PLEKHG6: variants seen among roughly 807,000 people sequenced by gnomAD.
PLEKHG6 encodes pleckstrin homology domain-containing family G member 6.
A neutral mutation model predicts 97.5 loss-of-function variants in PLEKHG6; 91 were observed. The observed-to-expected ratio is 0.93, with a 90% CI of 0.79 to 1.11. The LOEUF (loss-of-function observed/expected upper bound fraction) is 1.11. Ranked by LOEUF, PLEKHG6 falls within the 50% of genes most tolerant of loss-of-function variation. The pLI, the probability that PLEKHG6 is intolerant of heterozygous loss-of-function variation, is 0.00. For synonymous variants in PLEKHG6, 466 were observed against 425.5 expected, an observed-to-expected ratio of 1.10 and a Z score of -1.17; for missense variants, 1,044 against 1,031.0, an observed-to-expected ratio of 1.01 and a Z score of -0.17.
intron 2 of PLEKHG6, chr12:6,312,774 C>G: frequency 8.4e-7 from 1 of 1,186,534 alleles, no homozygotes; most frequent in South Asian, 2.5e-5. Context: ...GGTGTCCCTA[C>G]TCCTCCAGTG....
Position 6,316,182 on chromosome 12 carries a change from C to T in PLEKHG6, c.607-73C>T. 4 of 1,428,124 alleles carry T rather than the reference C, an allele frequency of 2.8e-6. No homozygotes were observed. The highest frequency in any genetic ancestry group is 3.8e-6 in the Non-Finnish European group (4 of 1,065,286). 88.5% of individuals were successfully genotyped at this position (1,428,124 alleles called of 1,614,324 possible). On this transcript the variant is annotated intron_variant, in intron 6 of 15. Coordinates refer to ENST00000684764, the MANE Select transcript of PLEKHG6 (RefSeq NM_001384598.1). This position sits in a 1 kb window ranked among gnomAD's most constrained non-coding sequence, Gnocchi z 4.1. ...CCCTGCTGTCCAAGCTTAAGGTCCTCACCTTTCCTCAGCCAGTGCCACCCC... is the reference window on the plus strand; with the variant it reads ...CCCTGCTGTCCAAGCTTAAGGTCCTTACCTTTCCTCAGCCAGTGCCACCCC...
chr12:6,317,392 T>C lies in PLEKHG6; in HGVS notation c.846T>C (p.Pro282=). 6.2e-7 allele frequency: 1 copy of C among 1,613,704 alleles called. No homozygotes were observed. Among genetic ancestry groups the C allele is most frequent in the Non-Finnish European group, 8.5e-7 (1 of 1,179,772 alleles). Residue 282 remains proline, a synonymous_variant, in exon 8 of 16, where the codon CCT becomes CCC. Coordinates refer to ENST00000684764, the MANE Select transcript of PLEKHG6 (RefSeq NM_001384598.1). ...CCCGAGAACAGCAAGAAACTAACCCTCTCTTCCATGCCTTCGTGCAGGTGG... is the reference window on the plus strand; with the variant it reads ...CCCGAGAACAGCAAGAAACTAACCCCCTCTTCCATGCCTTCGTGCAGGTGG... ...AYAREQQETN[P]LFHAFVQWCE... is the part of the protein sequence containing the mutation.
chr12:6,315,272 A>C lies in PLEKHG6; in HGVS notation c.459+103A>C. 8.5e-7 allele frequency: 1 copy of C among 1,181,850 alleles called. No homozygotes were observed. The highest frequency in any genetic ancestry group is 1.2e-6 in the Non-Finnish European group (1 of 853,324). The allele number at this position is 1,181,850 out of a possible 1,614,324, so 73.2% of individuals were successfully genotyped here. On this transcript the variant is annotated intron_variant, in intron 4 of 15. Transcript: ENST00000684764. This position sits in a 1 kb window ranked among gnomAD's most constrained non-coding sequence, Gnocchi z 4.5. Reference sequence around the variant, plus strand: ...GGCCTTGGGAAGTGGGGTCATGTGGAAAAAACATCTGGAAACGCGTTGATC... The same window carrying C: ...GGCCTTGGGAAGTGGGGTCATGTGGCAAAAACATCTGGAAACGCGTTGATC...
Position 6,318,436 on chromosome 12 carries a change from A to G in PLEKHG6, c.1275+16A>G. 1 of 1,598,070 alleles carries G rather than the reference A, an allele frequency of 6.3e-7. No individual in the cohort carries two copies. The highest frequency in any genetic ancestry group is 2.2e-5 in the East Asian group (1 of 44,834). ...AGAAGGGAAGGTGAGGGTGCTGCGGACAGAGTGGAGGGGATGGGGCACGGT... is the reference window on the plus strand; with the variant it reads ...AGAAGGGAAGGTGAGGGTGCTGCGGGCAGAGTGGAGGGGATGGGGCACGGT... On this transcript the variant is annotated intron_variant, in intron 11 of 15. Transcript: ENST00000684764.
rs140704034 is a variant in PLEKHG6, at chr12:6,319,105, C to A, written c.1521C>A (p.Ala507=). 3.3e-4 allele frequency: 523 copies of A among 1,602,194 alleles called. 2 individuals are homozygous for A. In the African/African-American group the frequency reaches 5.9e-3, roughly 18 times the overall value. ...RAQWLEKTQQ[A]QAALQKLKAE... ...AGTGGCTGGAGAAGACCCAGCAGGC[C>A]CAGGTATGGGAAAGCCAGCAACGGG... The change falls in exon 13 of 16, where the codon GCC becomes GCA. Residue 507 remains alanine (A), a synonymous_variant. Coordinates refer to ENST00000684764, the MANE Select transcript of PLEKHG6 (RefSeq NM_001384598.1).
intron 13 of PLEKHG6, among the ~76,000 whole-genome samples, chr12:6,321,021 CT>C (rs397938337): frequency 4.0e-4 from 59 of 147,192 alleles, no homozygotes; most frequent in Middle Eastern, 3.5e-3. Flanking sequence ...ACCGTGAATT[CT>C]TTTTTTTTTT....
At position 6,327,779 on chromosome 12, in the gene PLEKHG6, A is replaced by G; in HGVS notation, c.2196A>G (p.Pro732=). The G allele has an allele frequency of 1.3e-6, 2 of 1,529,896 alleles. No individual in the cohort carries two copies. The highest frequency in any genetic ancestry group is 8.8e-7 in the Non-Finnish European group (1 of 1,141,628). The allele number at this position is 1,529,896 out of a possible 1,614,324, so 94.8% of individuals were successfully genotyped here. Residue 732 remains proline (P), a synonymous_variant, in exon 15 of 16, where the codon CCA becomes CCG. Coordinates refer to ENST00000684764, the MANE Select transcript of PLEKHG6 (RefSeq NM_001384598.1). ...FLKAGHTSLR[P]MRAEDMLREI... is the part of the protein sequence containing the mutation. The stretch of plus-strand genomic sequence containing the variant: ...AAGCTGGCCACACATCCCTGCGCCC[A>G]ATGCGGGCTGAGGACATGCTCAGAG...
At chr12:6,318,520 A>T in intron 11 of PLEKHG6, 100 bp downstream of exon 11, 1 of 1,419,428 alleles carries the variant, frequency 7.0e-7, no homozygotes. Context: ...GGGGAAGAGG[A>T]TGTGGTTCTG....
chr12:6,325,254 G>A (rs991011072), intron 13 of PLEKHG6, among the ~76,000 whole-genome samples: 2 of 151,552 alleles, frequency 1.3e-5, no homozygotes, highest in Admixed American at 1.3e-4. Context: ...AAGTGTTGCA[G>A]TGACTGAACT....
At chr12:6,314,132 TCTC>T (rs1403260568) in intron 3 of PLEKHG6, among the ~76,000 whole-genome samples, 1 of 152,110 alleles carries the variant, frequency 6.6e-6, no homozygotes, top group Admixed American at 6.6e-5. Context: ...GAGCCTCACC[TCTC>T]CTCCCAAGCC....
In PLEKHG6 at chr12:6,312,371, C is replaced by A; in HGVS notation, c.138+7C>A. The A allele has an allele frequency of 1.3e-6, 2 of 1,574,014 alleles. No homozygotes were observed. The highest frequency in any genetic ancestry group is 2.4e-5 in the East Asian group (1 of 41,520). ...CCGAGGATACCCTGTGCTGGTGAGT[C>A]CAGGCTGTGCCCCAAAAGTGACCTG... On this transcript the variant is annotated splice_region_variant and intron_variant, in intron 2 of 15. Coordinates refer to ENST00000684764, the MANE Select transcript of PLEKHG6 (RefSeq NM_001384598.1).
rs35564399 is a variant in PLEKHG6, at chr12:6,315,022, T to C, written c.312T>C (p.His104=). 6,967 of 1,613,640 alleles carry C rather than the reference T, an allele frequency of 4.3e-3. 202 individuals carry two copies. The African/African-American group carries it at 0.075, about 17-fold the overall frequency. Residue 104 remains histidine, a synonymous_variant, in exon 4 of 16, where the codon CAT becomes CAC. Transcript: ENST00000684764. This position sits in a 1 kb window ranked among gnomAD's most constrained non-coding sequence, Gnocchi z 4.5. ...TCCCCCAGGAACTCACCAAGGCCCATGAGCTGGAGGTGAGGCTGCACACTT... is the reference window on the plus strand; with the variant it reads ...TCCCCCAGGAACTCACCAAGGCCCACGAGCTGGAGGTGAGGCTGCACACTT... ...SPKLKELTKA[H]ELEVRLHTFS... is the part of the protein sequence containing the mutation.
At chr12:6,322,076 G>A (rs994200127) in intron 13 of PLEKHG6, among the ~76,000 whole-genome samples, 3 of 152,176 alleles carry the variant, frequency 2.0e-5, no homozygotes, top group Non-Finnish European at 2.9e-5. Context: ...ACAGCCTGGG[G>A]CCAGCACTGG....
In PLEKHG6 at chr12:6,315,899, C is replaced by A. The variant is rs149736901; in HGVS notation, c.586C>A (p.Arg196=). ...LLAAGLLNLQ[R]VGLLMEVSAE... ...AGCCGCCGGCCTGCTGAACCTGCAG[C>A]GAGTGGGACTGCTGATGGAAGTGAG... is the stretch of plus-strand genomic sequence containing the variant. Residue 196 remains arginine, a synonymous_variant, in exon 6 of 16, where the codon CGA becomes AGA. Coordinates refer to ENST00000684764, the MANE Select transcript of PLEKHG6 (RefSeq NM_001384598.1). The surrounding 1 kb of genome is among the most constrained non-coding windows in gnomAD (Gnocchi z 4.5). 2 of 1,579,840 alleles carry A rather than the reference C, an allele frequency of 1.3e-6. No individual in the cohort carries two copies. Among genetic ancestry groups the A allele is most frequent in the South Asian group, 1.2e-5 (1 of 86,092 alleles).
chr12:6,324,285 GCCCCCCTCCC>G (rs1947796056), intron 13 of PLEKHG6, among the ~76,000 whole-genome samples: 1 of 31,544 alleles, frequency 3.2e-5, no homozygotes, highest in Non-Finnish European at 6.5e-5. Context: ...GCTCCCCCTC[GCCCCCCTCCC>G]CCCCCCGCCG....
In PLEKHG6 at chr12:6,316,303, C is replaced by T; in HGVS notation, c.655C>T (p.His219Tyr). Residue 219 changes from histidine to tyrosine, a missense_variant, in exon 7 of 16, where the codon CAC becomes TAC. His to Tyr is a moderately conservative substitution (Grantham distance 83). Transcript: ENST00000684764. The surrounding 1 kb of genome is among the most constrained non-coding windows in gnomAD (Gnocchi z 4.1). ...FGNVPSLIRTHRSFWDEVLGP... is the reference protein window; with the variant it reads ...FGNVPSLIRTYRSFWDEVLGP... ...AAATGTCCCCAGCCTGATTCGAACC[C>T]ACCGGAGCTTTTGGGATGAGGTGCT... 1 of 1,556,418 alleles carries T rather than the reference C, an allele frequency of 6.4e-7. No individual in the cohort carries two copies.
Position 6,318,829 on chromosome 12 carries a change from C to G in PLEKHG6, c.1360C>G (p.Pro454Ala). The G allele has an allele frequency of 6.2e-7, 1 of 1,614,204 alleles. No homozygotes were observed. Among genetic ancestry groups the G allele is most frequent in the Non-Finnish European group, 8.5e-7 (1 of 1,180,012 alleles). ...GGCGGACAAAGCCAAGGTCATCCGA[C>G]CCCCTCTCATGCTGGAGAAGCTCGT... ...RKADKAKVIRPPLMLEKLVCQ... is the reference protein window; with the variant it reads ...RKADKAKVIRAPLMLEKLVCQ... The change falls in exon 12 of 16, where the codon CCC becomes GCC. Residue 454 changes from proline (P) to alanine (A), a missense_variant. By Grantham distance (27) the Pro-to-Ala change is conservative (BLOSUM62 -1). Coordinates refer to ENST00000684764, the MANE Select transcript of PLEKHG6 (RefSeq NM_001384598.1).
chr12:6,328,234 C>G lies in PLEKHG6; in HGVS notation c.*89C>G. 1 of 1,337,356 alleles carries G rather than the reference C, an allele frequency of 7.5e-7. No homozygotes were observed. The allele number at this position is 1,337,356 out of a possible 1,614,324, so 82.8% of individuals were successfully genotyped here. ...CACCCTCCGGCATCTGTGACTCTAC[C>G]TCAAGGACCACATTTCCCAAAGGAA... On this transcript the variant is annotated 3_prime_UTR_variant, in exon 16 of 16. Transcript: ENST00000684764.
Position 6,315,538 on chromosome 12 carries a change from A to AT in PLEKHG6, c.460-14dup. 2 of 1,487,828 alleles carry AT rather than the reference A, an allele frequency of 1.3e-6. No homozygotes were observed. The highest frequency in any genetic ancestry group is 9.1e-7 in the Non-Finnish European group (1 of 1,097,042). The allele number at this position is 1,487,828 out of a possible 1,614,324, so 92.2% of individuals were successfully genotyped here. ...ATTATCATTCCCCAACTGAACCAGC[A>AT]TTCTCCCCACCCCAGGAGATGAGCC... is the stretch of plus-strand genomic sequence containing the variant. On this transcript the variant is annotated splice_polypyrimidine_tract_variant and intron_variant, in intron 4 of 15. Coordinates refer to ENST00000684764, the MANE Select transcript of PLEKHG6 (RefSeq NM_001384598.1). This position sits in a 1 kb window ranked among gnomAD's most constrained non-coding sequence, Gnocchi z 4.5.
Sources: allele counts gnomAD v4.1 joint callset (sites outside exome capture counted in the v4.1 genomes callset), GRCh38; gene constraint gnomAD v4.1.1; non-coding constraint Gnocchi (gnomAD v3.1); transcripts MANE v1.5; gene names NCBI Gene and HGNC (gene_info 2026-07-23, HGNC 2026-07-21).